Variants in NOX3 observed in about 807,000 individuals in gnomAD.
NOX3 encodes NADPH oxidase 3.
A neutral mutation model predicts 76.7 loss-of-function variants in NOX3; 74 were observed. That is an observed-to-expected ratio of 0.96 (90% confidence interval 0.80 to 1.17). The LOEUF is 1.17. Ranked by LOEUF, NOX3 falls within the 50% of genes most tolerant of loss-of-function variation. The pLI, the probability that NOX3 is intolerant of heterozygous loss-of-function variation, is 0.00. For missense variants in NOX3, 695 were observed against 703.3 expected, an observed-to-expected ratio of 0.99 and a Z score of 0.13; for synonymous variants, 263 against 261.1, an observed-to-expected ratio of 1.01 and a Z score of -0.07.
chr6:155,396,792 T>C lies in NOX3; in HGVS notation c.*27+17A>G. The C allele has an allele frequency of 6.3e-7, 1 of 1,582,690 alleles. No homozygotes were observed. The highest frequency in any genetic ancestry group is 1.8e-5 in the Admixed American group (1 of 56,836). On this transcript the variant is annotated intron_variant, in intron 13 of 13. Coordinates refer to ENST00000159060, the MANE Select transcript of NOX3 (RefSeq NM_015718.3). ...AGAGTTTCCCAATCCCTGACCTGTA[T>C]GATTGCAGCCACTTACACAATGCCT...
intron 5 of NOX3, among the ~76,000 whole-genome samples, chr6:155,442,661 C>T (rs372660240): frequency 1.3e-5 from 2 of 152,228 alleles, no homozygotes; most frequent in African/African-American, 4.8e-5. Flanking sequence ...ACATAGATTG[C>T]TGTGGCTACA....
intron 5 of NOX3, among the ~76,000 whole-genome samples, chr6:155,441,568 C>T (rs981816796): frequency 1.3e-5 from 2 of 152,154 alleles, no homozygotes; most frequent in Admixed American, 6.5e-5. Context: ...ATAATGTACA[C>T]TCTGTGTTAT....
rs1357862678 is a variant in NOX3 at position 155,424,299 on chromosome 6, G to A, written c.1146-1443C>T. On this transcript the variant is annotated intron_variant, in intron 9 of 13. Transcript: ENST00000159060. ...GTGAGGTCTAGGAAAGTAGGAGTCA[G>A]GGCTGTCTTTGCTCACTGCTGTAAT... is the stretch of plus-strand genomic sequence containing the variant. Among the ~76,000 whole-genome samples, 3 of 152,262 alleles carry A rather than the reference G, an allele frequency of 2.0e-5. No homozygotes were observed. In the East Asian group the frequency reaches 5.8e-4, roughly 29 times the overall value.
intron 7 of NOX3, among the ~76,000 whole-genome samples, chr6:155,433,715 G>T (rs1041945409): frequency 1.3e-5 from 2 of 150,272 alleles, no homozygotes; most frequent in East Asian, 4.3e-4. Flanking sequence ...TGTGAATGGA[G>T]GAGAAAGTTC....
At chr6:155,453,734 G>T (rs1777176147) in intron 3 of NOX3, among the ~76,000 whole-genome samples, 1 of 152,142 alleles carries the variant, frequency 6.6e-6, no homozygotes, top group African/African-American at 2.4e-5. Flanking sequence ...TCTTGAATAA[G>T]CCTGCCAAAA....
intron 10 of NOX3, among the ~76,000 whole-genome samples, chr6:155,415,115 A>G (rs571471101): frequency 6.6e-6 from 1 of 152,266 alleles, no homozygotes; most frequent in African/African-American, 2.4e-5. Context: ...AGCGACAGTC[A>G]CAAGTTTGGG....
Position 155,416,744 on chromosome 6 carries a change from C to CTTTTTTTTTTT in NOX3, c.1309-5395_1309-5385dup. The stretch of plus-strand genomic sequence containing the variant: ...GGACAACTGAAACATCTGAAACATT[C>CTTTTTTTTTTT]TTTTTTTTTTTTTTTTTTTTTTTTG... On this transcript the variant is annotated intron_variant, in intron 10 of 13. Transcript: ENST00000159060. 5.4e-3 allele frequency among the ~76,000 whole-genome samples: 501 copies of CTTTTTTTTTTT among 92,512 alleles called. 25 individuals are homozygous for CTTTTTTTTTTT. The highest frequency in any genetic ancestry group is 9.8e-3 in the East Asian group (30 of 3,064). The allele number at this position is 92,512 out of a possible 152,430, so 60.7% of individuals were successfully genotyped here. A position where few individuals can be genotyped will look rare whatever the true frequency, so the allele number is the denominator to read the frequency against.
intron 7 of NOX3, among the ~76,000 whole-genome samples, chr6:155,433,023 C>G (rs191503687): frequency 6.6e-6 from 1 of 152,334 alleles, no homozygotes; most frequent in African/African-American, 2.4e-5. Context: ...CAAAGACACT[C>G]AGTCTTCATA....
chr6:155,429,409 C>T (rs979331111), intron 8 of NOX3, among the ~76,000 whole-genome samples: 3 of 152,188 alleles, frequency 2.0e-5, no homozygotes, highest in Admixed American at 6.5e-5. Flanking sequence ...AAATAAGTCA[C>T]CACATTATCT....
intron 11 of NOX3, 44 bp downstream of exon 11, chr6:155,411,170 G>C (rs1419529150): frequency 1.3e-6 from 2 of 1,561,962 alleles, no homozygotes; most frequent in East Asian, 2.3e-5. Context: ...ATTGCTATTA[G>C]ATGAGTTCAG....
intron 7 of NOX3, among the ~76,000 whole-genome samples, chr6:155,434,563 G>T (rs1321695154): frequency 6.6e-6 from 1 of 152,182 alleles, no homozygotes; most frequent in Non-Finnish European, 1.5e-5. Context: ...AGCTTTTTGA[G>T]AATTGCTTTG....
intron 10 of NOX3, among the ~76,000 whole-genome samples, chr6:155,420,443 G>T (rs756489448): frequency 6.6e-6 from 1 of 152,184 alleles, no homozygotes; most frequent in East Asian, 1.9e-4. Context: ...CCAAAACAAA[G>T]CATTGCTGTG....
At chr6:155,446,807 C>T (rs1777069991) in intron 4 of NOX3, among the ~76,000 whole-genome samples, 1 of 152,052 alleles carries the variant, frequency 6.6e-6, no homozygotes, top group Non-Finnish European at 1.5e-5. Flanking sequence ...TTATATTCTG[C>T]CCCTTGACCC....
intron 12 of NOX3, among the ~76,000 whole-genome samples, chr6:155,406,873 A>G (rs1314396405): frequency 1.3e-5 from 2 of 152,240 alleles, no homozygotes; most frequent in African/African-American, 4.8e-5. Context: ...TTGAAAGCAT[A>G]TGTAGTTGAA....
At chr6:155,413,989 C>T (rs760069312) in intron 10 of NOX3, among the ~76,000 whole-genome samples, 5 of 152,180 alleles carry the variant, frequency 3.3e-5, no homozygotes, top group African/African-American at 1.2e-4. Flanking sequence ...AGAAATCCTT[C>T]CTTACTTTCT....
Position 155,407,131 on chromosome 6 carries a change from T to C in NOX3, c.1579A>G (p.Ser527Gly). 2.5e-6 allele frequency: 4 copies of C among 1,613,948 alleles called. No individual in the cohort carries two copies. The highest frequency in any genetic ancestry group is 2.5e-6 in the Non-Finnish European group (3 of 1,179,880). ...EFKQIAYNHP[S>G]SSIGVFFCGP... ...GAGAGGAGCAAGAGCTTGCCTTACC[T>C]GGGGTGATTGTAGGCAATCTGCTTG... is the stretch of plus-strand genomic sequence containing the variant. Residue 527 changes from serine to glycine, a missense_variant and splice_region_variant, in exon 12 of 14, where the codon AGC becomes GGC. Physicochemically the swap from Ser to Gly is moderately conservative, Grantham distance 56 (BLOSUM62 0). Coordinates refer to ENST00000159060, the MANE Select transcript of NOX3 (RefSeq NM_015718.3).
chr6:155,414,623 C>CTTTTTTTTTTTTTTT (rs72348061), intron 10 of NOX3, among the ~76,000 whole-genome samples: 31 of 113,786 alleles, frequency 2.7e-4, no homozygotes, highest in African/African-American at 3.7e-4. Context: ...TCTTTTCTTT[C>CTTTTTTTTTTTTTTT]TTTTTTTTTT....
In NOX3 at chr6:155,407,150, C is replaced by G. The variant is rs754708967; in HGVS notation, c.1560G>C (p.Gln520His). 6.4e-5 allele frequency: 103 copies of G among 1,613,986 alleles called. No homozygotes were observed. The highest frequency in any genetic ancestry group is 8.7e-5 in the Non-Finnish European group (103 of 1,179,996). Reference protein sequence around the residue: ...GRPNWNNEFKQIAYNHPSSSI... With the variant: ...GRPNWNNEFKHIAYNHPSSSI... The stretch of plus-strand genomic sequence containing the variant: ...CTTACCTGGGGTGATTGTAGGCAAT[C>G]TGCTTGAACTCATTGTTCCAGTTGG... Residue 520 changes from glutamine to histidine, a missense_variant, in exon 12 of 14, where the codon CAG (glutamine) becomes CAC (histidine). Physicochemically the swap from Gln to His is conservative, Grantham distance 24. Transcript: ENST00000159060.
intron 9 of NOX3, among the ~76,000 whole-genome samples, chr6:155,427,935 C>G (rs544597689): frequency 6.6e-6 from 1 of 152,292 alleles, no homozygotes; most frequent in Admixed American, 6.5e-5. Context: ...AGGTCTCACT[C>G]TGTCACCCAG....
Sources: gnomAD v4.1 joint callset for allele counts (sites outside exome capture counted in the v4.1 genomes callset) on GRCh38, gnomAD v4.1.1 for gene constraint, MANE v1.5 for transcripts, NCBI Gene and HGNC (gene_info 2026-07-23, HGNC 2026-07-21) for gene names.